Variants in KHDRBS2 observed in about 807,000 individuals in gnomAD.
KHDRBS2 encodes the protein KH domain-containing, RNA-binding, signal transduction-associated protein 2.
Under a neutral mutation model 44.3 loss-of-function variants are expected in KHDRBS2, and 26 were observed. The observed-to-expected ratio is 0.59, with a 90% CI of 0.43 to 0.81. The LOEUF (loss-of-function observed/expected upper bound fraction) is 0.81, where lower values mean the gene tolerates loss of function less well. Among genes scored for constraint, KHDRBS2 ranks in the 40% least tolerant of loss-of-function variants. The pLI is 0.00. For missense variants in KHDRBS2, 476 were observed against 433.1 expected (o/e 1.10, Z -0.88); for synonymous variants, 194 against 151.1 (o/e 1.28, Z -2.08).
intron 6 of KHDRBS2, among the ~76,000 whole-genome samples, chr6:61,773,785 T>G (rs1781437718): frequency 6.6e-6 from 1 of 151,258 alleles, no homozygotes. Context: ...AGGTCTAATG[T>G]TTAAGTCTTT....
intron 6 of KHDRBS2, among the ~76,000 whole-genome samples, chr6:61,760,580 C>G (rs574413589): frequency 4.1e-4 from 62 of 151,502 alleles, no homozygotes; most frequent in South Asian, 2.1e-3. Context: ...TGCAGTGAGC[C>G]TGGATCATGA....
chr6:61,604,671 G>T, the KHDRBS2 span, among the ~76,000 whole-genome samples: 66 of 152,032 alleles, frequency 4.3e-4, no homozygotes, highest in African/African-American at 1.5e-3. Context: ...GGATTGTTCA[G>T]GCCCCCTCCT....
intron 4 of KHDRBS2, among the ~76,000 whole-genome samples, chr6:61,919,271 A>G (rs751308220): frequency 6.6e-5 from 10 of 151,926 alleles, no homozygotes; most frequent in Non-Finnish European, 1.2e-4. Context: ...TGTGAGTACA[A>G]TTTTTTAAAG....
intron 2 of KHDRBS2, among the ~76,000 whole-genome samples, chr6:62,127,607 T>G (rs1809279227): frequency 6.6e-6 from 1 of 152,132 alleles, no homozygotes; most frequent in Admixed American, 6.6e-5. Context: ...TTGAAACAAC[T>G]CTTATCTAAT....
intron 7 of KHDRBS2, among the ~76,000 whole-genome samples, chr6:61,714,782 GAAATAACTT>G (rs1419200658): frequency 6.6e-6 from 1 of 151,842 alleles, no homozygotes; most frequent in African/African-American, 2.4e-5. Context: ...TATCTTAAGT[GAAATAACTT>G]AAACACAGAA....
chr6:61,954,980 ATG>A (rs1259455593), intron 4 of KHDRBS2, among the ~76,000 whole-genome samples: 2 of 65,390 alleles, frequency 3.1e-5, no homozygotes, highest in Admixed American at 3.2e-4. Flanking sequence ...ATACATATGT[ATG>A]TGTATACATA....
At chr6:62,207,812 T>C (rs1488950024) in intron 1 of KHDRBS2, among the ~76,000 whole-genome samples, 2 of 152,172 alleles carry the variant, frequency 1.3e-5, no homozygotes, top group East Asian at 1.9e-4. Context: ...ATGTTTACAA[T>C]ATGATGTTAA....
At position 62,000,122 on chromosome 6, in the gene KHDRBS2, AGT is replaced by A. The variant is rs142429684; in HGVS notation, c.337-21912_337-21911del. Among the ~76,000 whole-genome samples the A allele has an allele frequency of 8.9e-3, 1,338 of 150,362 alleles. 12 individuals carry two copies. The highest frequency in any genetic ancestry group is 0.013 in the Non-Finnish European group (883 of 67,368). On this transcript the variant is annotated intron_variant, in intron 3 of 8. Coordinates refer to ENST00000281156, the MANE Select transcript of KHDRBS2 (RefSeq NM_152688.4). ...TCATACAGACTACCACAATTGTGTGAGTGTGTGTGTGTGTGTGTATGCACATG... is the reference window on the plus strand; with the variant it reads ...TCATACAGACTACCACAATTGTGTGAGTGTGTGTGTGTGTGTATGCACATG...
At chr6:61,890,647 T>C (rs941622310) in intron 6 of KHDRBS2, among the ~76,000 whole-genome samples, 11 of 152,248 alleles carry the variant, frequency 7.2e-5, no homozygotes, top group Non-Finnish European at 1.5e-4. Context: ...ATAAAGATTG[T>C]TGAGCTACAC....
At chr6:61,815,905 C>A (rs569787223) in intron 6 of KHDRBS2, among the ~76,000 whole-genome samples, 1 of 152,058 alleles carries the variant, frequency 6.6e-6, no homozygotes, top group East Asian at 1.9e-4. Context: ...TGCTATAATG[C>A]ATATTTATAT....
chr6:62,240,027 T>C (rs1314427044), intron 1 of KHDRBS2, among the ~76,000 whole-genome samples: 4 of 152,102 alleles, frequency 2.6e-5, no homozygotes, highest in Non-Finnish European at 5.9e-5. Context: ...TCAGAATACA[T>C]AGTACAGAGT....
intron 6 of KHDRBS2, among the ~76,000 whole-genome samples, chr6:61,791,127 T>C (rs1784577008): frequency 6.6e-6 from 1 of 151,430 alleles, no homozygotes; most frequent in African/African-American, 2.4e-5. Flanking sequence ...ATCTGTGAGT[T>C]TTCCCTTTTT....
intron 1 of KHDRBS2, among the ~76,000 whole-genome samples, chr6:62,222,236 CAGAG>C (rs774742268): frequency 2.7e-5 from 4 of 149,046 alleles, no homozygotes; most frequent in East Asian, 4.0e-4. Flanking sequence ...GAGAGAGAGA[CAGAG>C]AGAATGAGAG....
chr6:61,692,860 T>C (rs1296913302), intron 8 of KHDRBS2, among the ~76,000 whole-genome samples: 1 of 151,976 alleles, frequency 6.6e-6, no homozygotes, highest in Non-Finnish European at 1.5e-5. Flanking sequence ...GGAAGGTGCC[T>C]GGGACAACTG....
At chr6:62,093,369 A>C (rs1372626853) in intron 2 of KHDRBS2, among the ~76,000 whole-genome samples, 1 of 152,030 alleles carries the variant, frequency 6.6e-6, no homozygotes, top group African/African-American at 2.4e-5. Context: ...GACACATAAT[A>C]ATTATACATA....
At chr6:62,194,097 T>A (rs979386216) in intron 1 of KHDRBS2, among the ~76,000 whole-genome samples, 1 of 152,138 alleles carries the variant, frequency 6.6e-6, no homozygotes, top group Non-Finnish European at 1.5e-5. Context: ...TTTATTAAGT[T>A]TTTTTCTTTG....
At position 62,234,312 on chromosome 6, in the gene KHDRBS2, A is replaced by G. The variant is rs545204743; in HGVS notation, c.91+51546T>C. Among the ~76,000 whole-genome samples, 3 of 152,272 alleles carry G rather than the reference A, an allele frequency of 2.0e-5. No homozygotes were observed. In the South Asian group the frequency reaches 6.2e-4, roughly 32 times the overall value. On this transcript the variant is annotated intron_variant, in intron 1 of 8. Transcript: ENST00000281156. ...TCTGATCTTTCTCTCCCTTCGTGCA[A>G]TATAGGTTTATTACTAATTACAGCA...
intron 6 of KHDRBS2, among the ~76,000 whole-genome samples, chr6:61,753,888 G>T (rs188312991): frequency 6.6e-6 from 1 of 152,248 alleles, no homozygotes; most frequent in African/African-American, 2.4e-5. Flanking sequence ...ACTACCATCA[G>T]AAGTGTCTTA....
the KHDRBS2 span, among the ~76,000 whole-genome samples, chr6:61,563,716 A>C: frequency 2.6e-5 from 4 of 152,106 alleles, no homozygotes; most frequent in African/African-American, 9.7e-5. Flanking sequence ...TTTTTATACA[A>C]AATGTGTAGT....
Sources: gnomAD v4.1 joint callset for allele counts (sites outside exome capture counted in the v4.1 genomes callset) on GRCh38, gnomAD v4.1.1 for gene constraint, MANE v1.5 for transcripts, NCBI Gene and HGNC (gene_info 2026-07-23, HGNC 2026-07-21) for gene names.